Variants in ASAP3 observed in about 807,000 individuals in gnomAD.
ASAP3 encodes arf-GAP with SH3 domain, ANK repeat and PH domain-containing protein 3.
ASAP3 carries 85 observed loss-of-function variants against 118.2 expected under a neutral mutation model. The observed-to-expected ratio is 0.72, with a 90% CI of 0.60 to 0.86. The LOEUF (loss-of-function observed/expected upper bound fraction) is 0.86, where lower values mean the gene tolerates loss of function less well. Among genes scored for constraint, ASAP3 ranks in the 40% least tolerant of loss-of-function variants. The pLI is 0.00. For synonymous variants in ASAP3, 432 were observed against 477.4 expected (o/e 0.90, Z 1.24); for missense variants, 1,026 against 1,175.0 (o/e 0.87, Z 1.85).
chr1:23,436,456 C>A lies in ASAP3; in HGVS notation c.1571+104G>T, dbSNP rs1640657727. 3.0e-6 allele frequency: 4 copies of A among 1,329,470 alleles called. No homozygotes were observed. The highest frequency in any genetic ancestry group is 4.2e-6 in the Non-Finnish European group (4 of 943,496). The allele number at this position is 1,329,470 out of a possible 1,614,324, so 82.4% of individuals were successfully genotyped here. On this transcript the variant is annotated intron_variant, in intron 16 of 24. Coordinates refer to ENST00000336689, the MANE Select transcript of ASAP3 (RefSeq NM_017707.4). This position sits in a 1 kb window ranked among gnomAD's most constrained non-coding sequence, Gnocchi z 4.2. ...GGGATTACAGGCGTGAGCCACTGCGCCCAGCCTCCCCAGACTTCTGATCCA... is the reference window on the plus strand; with the variant it reads ...GGGATTACAGGCGTGAGCCACTGCGACCAGCCTCCCCAGACTTCTGATCCA...
intron 1 of ASAP3, among the ~76,000 whole-genome samples, chr1:23,476,794 T>G (rs1165583638): frequency 1.3e-5 from 2 of 152,170 alleles, no homozygotes; most frequent in Admixed American, 6.5e-5. Flanking sequence ...CTTTACTGCC[T>G]CAGGACCTTT....
rs1570338178 is a variant in ASAP3 at position 23,437,246 on chromosome 1, G to C, written c.1226C>G (p.Pro409Arg). 1.3e-6 allele frequency: 2 copies of C among 1,591,102 alleles called. No homozygotes were observed. The highest frequency in any genetic ancestry group is 1.7e-6 in the Non-Finnish European group (2 of 1,169,136). The change falls in exon 14 of 25, where the codon CCG (proline) becomes CGG (arginine). Residue 409 changes from proline (P) to arginine (R), a missense_variant. Physicochemically the swap from Pro to Arg is moderately radical, Grantham distance 103. Transcript: ENST00000336689. This position sits in a 1 kb window ranked among gnomAD's most constrained non-coding sequence, Gnocchi z 6.1. ...SAFLGEPSAG[P>R]GSWGSAGHDG... is the part of the protein sequence containing the mutation. ...ATGGCCGGCGGACCCCCAGGACCCC[G>C]GGCCAGCGCTGGGCTCCCCGAGGAA... is the stretch of plus-strand genomic sequence containing the variant.
chr1:23,484,365 C>T, upstream of ASAP3: 1 of 343,510 alleles, frequency 2.9e-6, no homozygotes, highest in Non-Finnish European at 4.8e-6. Context: ...GCCCCGGTCC[C>T]GGCCCCGCAC....
At chr1:23,431,370 A>C (rs1640425636) in intron 23 of ASAP3, among the ~76,000 whole-genome samples, 1 of 152,222 alleles carries the variant, frequency 6.6e-6, no homozygotes, top group African/African-American at 2.4e-5. Context: ...GGAAGGGAGA[A>C]GACTGGATCC....
intron 22 of ASAP3, 85 bp from the exon 23 acceptor site, chr1:23,432,003 GA>G: frequency 8.9e-6 from 6 of 671,244 alleles, no homozygotes; most frequent in East Asian, 3.8e-5. Flanking sequence ...TGGCCTCTAG[GA>G]TTTTTTTTTT....
intron 1 of ASAP3, among the ~76,000 whole-genome samples, chr1:23,482,673 G>A (rs1041219609): frequency 9.9e-5 from 15 of 152,036 alleles, no homozygotes; most frequent in Non-Finnish European, 1.8e-4. Flanking sequence ...GCCTTGGCCG[G>A]CGCGGTGGCT....
At chr1:23,481,302 G>C (rs943908191) in intron 1 of ASAP3, among the ~76,000 whole-genome samples, 1 of 152,206 alleles carries the variant, frequency 6.6e-6, no homozygotes, top group East Asian at 1.9e-4. Context: ...CAGGAAACCA[G>C]TCAGAACTGG....
intron 1 of ASAP3, among the ~76,000 whole-genome samples, chr1:23,469,227 G>A (rs61778887): frequency 0.1 from 15,222 of 151,838 alleles, 865 homozygotes; most frequent in Non-Finnish European, 0.13. Flanking sequence ...TATCACTTGA[G>A]CCCAGGAGTC....
chr1:23,452,565 C>T (rs2148631803), intron 4 of ASAP3, 132 bp downstream of exon 4: 1 of 1,004,602 alleles, frequency 1.0e-6, no homozygotes, highest in Non-Finnish European at 1.5e-6. Flanking sequence ...CCAGACCTCC[C>T]CAGGCTCATC....
At chr1:23,443,022 G>C (rs1231242286) in intron 5 of ASAP3, among the ~76,000 whole-genome samples, 2 of 152,180 alleles carry the variant, frequency 1.3e-5, no homozygotes, top group African/African-American at 4.8e-5. Context: ...GCCAGACCAT[G>C]CAGGGTCTAA....
Position 23,484,160 on chromosome 1 carries a change from A to G in ASAP3, c.-27T>C, listed in dbSNP as rs1642424318. On this transcript the variant is annotated 5_prime_UTR_variant, in exon 1 of 25. Coordinates refer to ENST00000336689, the MANE Select transcript of ASAP3 (RefSeq NM_017707.4). ...GCGGGCGCGAGCGTGGAGCTGCCGG[A>G]GCGGGGCGCGGGGGGCACTGAGCTG... The G allele has an allele frequency of 1.6e-6, 2 of 1,254,016 alleles. No individual in the cohort carries two copies. Among genetic ancestry groups the G allele is most frequent in the East Asian group, 3.2e-5 (1 of 31,540 alleles). The allele number at this position is 1,254,016 out of a possible 1,614,324, so 77.7% of individuals were successfully genotyped here.
chr1:23,444,754 C>G (rs1319989494), intron 5 of ASAP3, among the ~76,000 whole-genome samples: 2 of 152,152 alleles, frequency 1.3e-5, no homozygotes, highest in East Asian at 3.8e-4. Context: ...GGATAGTGTT[C>G]ATATACAGAA....
chr1:23,451,612 C>T, intron 4 of ASAP3, 84 bp from the exon 5 acceptor site: 1 of 1,444,642 alleles, frequency 6.9e-7, no homozygotes, highest in South Asian at 1.1e-5. Flanking sequence ...GTAGGAGGAC[C>T]TGCTAGTGTG....
chr1:23,452,833 C>T lies in ASAP3; in HGVS notation c.349-62G>A, dbSNP rs367872040. The T allele has an allele frequency of 1.7e-5, 26 of 1,505,154 alleles. No homozygotes were observed. In the African/African-American group the frequency reaches 2.1e-4, roughly 12 times the overall value. 93.2% of individuals were successfully genotyped at this position (1,505,154 alleles called of 1,614,324 possible). On this transcript the variant is annotated intron_variant, in intron 3 of 24. Coordinates refer to ENST00000336689, the MANE Select transcript of ASAP3 (RefSeq NM_017707.4). The stretch of plus-strand genomic sequence containing the variant: ...GACCGGCATCCAGCCCCTAGGGATT[C>T]GGTGTACAGTGAAGCATCACTTGGC...
intron 1 of ASAP3, among the ~76,000 whole-genome samples, chr1:23,462,825 C>T (rs1277152988): frequency 1.3e-5 from 2 of 152,078 alleles, no homozygotes; most frequent in African/African-American, 2.4e-5. Flanking sequence ...AAGAAAAAGC[C>T]ATTATAAGCA....
rs1641365199 is a variant in ASAP3, at chr1:23,455,873, G to A, written c.348+8C>T. On this transcript the variant is annotated splice_region_variant and intron_variant, in intron 3 of 24. Transcript: ENST00000336689. Reference sequence around the variant, plus strand: ...TGAGTCTGGGCAAGGAAGAGACAGGGGCCTCACCAGGTTCTTGAAGAGCGC... The same window carrying A: ...TGAGTCTGGGCAAGGAAGAGACAGGAGCCTCACCAGGTTCTTGAAGAGCGC... 1 of 1,613,940 alleles carries A rather than the reference G, an allele frequency of 6.2e-7. No homozygotes were observed. Among genetic ancestry groups the A allele is most frequent in the Non-Finnish European group, 8.5e-7 (1 of 1,180,004 alleles).
rs1432489440 is a variant in ASAP3 at position 23,442,237 on chromosome 1, T to C, written c.620A>G (p.Gln207Arg). The C allele has an allele frequency of 6.2e-7, 1 of 1,607,558 alleles. No individual in the cohort carries two copies. The highest frequency in any genetic ancestry group is 1.7e-5 in the Admixed American group (1 of 58,850). The change falls in exon 7 of 25, where the codon CAA becomes CGA. Residue 207 changes from glutamine (Q) to arginine (R), a missense_variant. Coordinates refer to ENST00000336689, the MANE Select transcript of ASAP3 (RefSeq NM_017707.4). Reference sequence around the variant, plus strand: ...GAGGCTCTGAAGGAAGTCAGGACCTTGCTTCATCTGGCTCTCCCCGGCTTT... The same window carrying C: ...GAGGCTCTGAAGGAAGTCAGGACCTCGCTTCATCTGGCTCTCCCCGGCTTT... ...LLKAGESQMK[Q>R]GPDFLQSLIK...
rs188728706 is a variant in ASAP3 at position 23,436,308 on chromosome 1, G to A, written c.1571+252C>T. Among the ~76,000 whole-genome samples, 125 of 152,360 alleles carry A rather than the reference G, an allele frequency of 8.2e-4. No homozygotes were observed. In the South Asian group the frequency reaches 0.014, roughly 17 times the overall value. ...CTCCTGAGTAGCTGGAATTACAGGC[G>A]TGTGCCACCACGCCCAGCTAATTCT... On this transcript the variant is annotated intron_variant, in intron 16 of 24. Coordinates refer to ENST00000336689, the MANE Select transcript of ASAP3 (RefSeq NM_017707.4). The surrounding 1 kb of genome is among the most constrained non-coding windows in gnomAD (Gnocchi z 4.2).
chr1:23,447,518 C>T (rs1443395200), intron 5 of ASAP3, among the ~76,000 whole-genome samples: 1 of 152,132 alleles, frequency 6.6e-6, no homozygotes, highest in South Asian at 2.1e-4. Flanking sequence ...CTGGGGGTCT[C>T]GGAACGTATC....
Sources: allele counts gnomAD v4.1 joint callset (sites outside exome capture counted in the v4.1 genomes callset), GRCh38; gene constraint gnomAD v4.1.1; non-coding constraint Gnocchi (gnomAD v3.1); transcripts MANE v1.5; gene names NCBI Gene and HGNC (gene_info 2026-07-23, HGNC 2026-07-21).